Variants in ITGB5 observed in about 807,000 individuals in gnomAD.
ITGB5 encodes the protein integrin subunit beta 5.
ITGB5 carries 38 observed loss-of-function variants against 84.8 expected under a neutral mutation model. The observed-to-expected ratio is 0.45, with a 90% CI of 0.35 to 0.59. The LOEUF (loss-of-function observed/expected upper bound fraction) is 0.59. Ranked by LOEUF, ITGB5 falls within the 20% of genes least tolerant of loss-of-function variation. ITGB5 has a pLI of 0.01. For missense variants in ITGB5, 905 were observed against 1,034.5 expected, an observed-to-expected ratio of 0.87 and a Z score of 1.72; for synonymous variants, 393 against 414.4, an observed-to-expected ratio of 0.95 and a Z score of 0.63.
intron 1 of ITGB5, among the ~76,000 whole-genome samples, chr3:124,880,509 C>G (rs1050282760): frequency 2.0e-5 from 3 of 152,160 alleles, no homozygotes; most frequent in African/African-American, 7.2e-5. Flanking sequence ...CAACAATTTG[C>G]AAGGACCAGG....
At chr3:124,827,831 C>A (rs1050773646) in intron 5 of ITGB5, among the ~76,000 whole-genome samples, 1 of 152,192 alleles carries the variant, frequency 6.6e-6, no homozygotes, top group African/African-American at 2.4e-5. Context: ...TAACTGATGA[C>A]ATTACCTTGT....
chr3:124,873,813 T>C (rs756697826), intron 1 of ITGB5, among the ~76,000 whole-genome samples: 2 of 152,006 alleles, frequency 1.3e-5, no homozygotes, highest in East Asian at 3.9e-4. Flanking sequence ...AATCCTCTCT[T>C]GCTGAGAGAA....
intron 11 of ITGB5, among the ~76,000 whole-genome samples, chr3:124,773,088 T>C (rs1248936179): frequency 1.3e-5 from 2 of 152,050 alleles, no homozygotes; most frequent in African/African-American, 4.8e-5. Flanking sequence ...GTATTTTTAG[T>C]AGAGACGGGT....
intron 10 of ITGB5, among the ~76,000 whole-genome samples, chr3:124,783,517 C>A (rs1255543122): frequency 6.6e-6 from 1 of 152,202 alleles, no homozygotes; most frequent in African/African-American, 2.4e-5. Flanking sequence ...TGGTGTCAGG[C>A]GTGTAGAAGA....
At chr3:124,845,442 C>A (rs1031865175) in intron 4 of ITGB5, among the ~76,000 whole-genome samples, 2 of 152,244 alleles carry the variant, frequency 1.3e-5, no homozygotes, top group Non-Finnish European at 2.9e-5. Context: ...CCCCACGCTG[C>A]GTGTGCCTCC....
intron 8 of ITGB5, among the ~76,000 whole-genome samples, chr3:124,815,516 G>T (rs72972573): frequency 0.019 from 2,883 of 152,310 alleles, 77 homozygotes; most frequent in African/African-American, 0.06. Flanking sequence ...GGAGGCAAGC[G>T]GTGGCCTCCC....
intron 10 of ITGB5, among the ~76,000 whole-genome samples, chr3:124,781,596 T>C (rs1171756161): frequency 6.6e-6 from 1 of 152,082 alleles, no homozygotes; most frequent in Non-Finnish European, 1.5e-5. Context: ...ACTAAATAAA[T>C]CTCCAAGGGC....
chr3:124,830,950 C>A (rs1219029848), intron 5 of ITGB5, among the ~76,000 whole-genome samples: 1 of 152,186 alleles, frequency 6.6e-6, no homozygotes, highest in Non-Finnish European at 1.5e-5. Flanking sequence ...CACCACTGAA[C>A]TCCAGCCTGG....
intron 7 of ITGB5, 64 bp downstream of exon 7, chr3:124,819,675 T>G (rs2064667244): frequency 1.7e-6 from 2 of 1,170,150 alleles, no homozygotes; most frequent in South Asian, 2.4e-5. Flanking sequence ...TAGGCAGAGT[T>G]GTAAACACTC....
At chr3:124,827,607 A>AC (rs1483868725) in intron 5 of ITGB5, among the ~76,000 whole-genome samples, 2 of 152,168 alleles carry the variant, frequency 1.3e-5, no homozygotes, top group Non-Finnish European at 1.5e-5. Flanking sequence ...AGAGACCGGA[A>AC]CCCTCACGCC....
chr3:124,858,714 A>T (rs893239160), intron 3 of ITGB5, among the ~76,000 whole-genome samples: 4 of 152,342 alleles, frequency 2.6e-5, no homozygotes, highest in Non-Finnish European at 5.9e-5. Flanking sequence ...AAAGTAGAGT[A>T]GGCAGCCACT....
rs141062689 is a variant in ITGB5, at chr3:124,840,691, G to A, written c.780+692C>T. On this transcript the variant is annotated intron_variant, in intron 5 of 14. Transcript: ENST00000296181. ...TTTTTTTTTTTAAATTTGAGACAGAGTCTCACACTGTCGCCCAGGCTGGAG... is the reference window on the plus strand; with the variant it reads ...TTTTTTTTTTTAAATTTGAGACAGAATCTCACACTGTCGCCCAGGCTGGAG... Among the ~76,000 whole-genome samples the A allele has an allele frequency of 5.5e-3, 832 of 150,480 alleles. 8 individuals carry two copies. Among genetic ancestry groups the A allele is most frequent in the African/African-American group, 0.02 (802 of 40,874 alleles).
chr3:124,826,860 G>A (rs564814822), intron 5 of ITGB5, among the ~76,000 whole-genome samples: 1 of 152,220 alleles, frequency 6.6e-6, no homozygotes, highest in Admixed American at 6.5e-5. Context: ...CTCTTGTTAT[G>A]TAAATGGTGT....
At chr3:124,839,022 G>A (rs1032361683) in intron 5 of ITGB5, among the ~76,000 whole-genome samples, 2 of 152,182 alleles carry the variant, frequency 1.3e-5, no homozygotes, top group African/African-American at 4.8e-5. Flanking sequence ...AGGATGACAT[G>A]TTTTATAAGT....
At chr3:124,843,454 C>T (rs2065036889) in intron 4 of ITGB5, among the ~76,000 whole-genome samples, 1 of 152,236 alleles carries the variant, frequency 6.6e-6, no homozygotes, top group African/African-American at 2.4e-5. Context: ...AACTCAGCTA[C>T]AGCTCAGCAT....
At chr3:124,865,459 A>G (rs1015949695) in intron 2 of ITGB5, among the ~76,000 whole-genome samples, 4 of 149,480 alleles carry the variant, frequency 2.7e-5, no homozygotes, top group African/African-American at 9.8e-5. Flanking sequence ...TAGAAAGTTG[A>G]AGTGTCCTTT....
chr3:124,873,138 T>C (rs1017813), intron 2 of ITGB5, among the ~76,000 whole-genome samples: 23,886 of 152,216 alleles, frequency 0.16, 1,964 homozygotes, highest in South Asian at 0.21. Context: ...CTCAGGTCTT[T>C]TGGAGTTCTT....
chr3:124,762,835 T>C lies in ITGB5; in HGVS notation c.*788A>G, dbSNP rs765119185. The C allele has an allele frequency of 6.6e-6, 1 of 152,244 alleles. No homozygotes were observed. The allele number at this position is 152,244 out of a possible 1,614,324, so 9.4% of individuals were successfully genotyped here. A position where few individuals can be genotyped will look rare whatever the true frequency, so the allele number is the denominator to read the frequency against. On this transcript the variant is annotated 3_prime_UTR_variant, in exon 15 of 15. Transcript: ENST00000296181. ...CTCATGCTTACTTGACAAGCTGCAG[T>C]CTGGAGTATCAGACCAGCCTGTGTC...
At chr3:124,833,003 A>T (rs2064880845) in intron 5 of ITGB5, 1 of 152,224 alleles carries the variant, frequency 6.6e-6, no homozygotes, top group East Asian at 1.9e-4. Flanking sequence ...GTTGACATTC[A>T]GGCATATTTC....
Sources: gnomAD v4.1 joint callset for allele counts (sites outside exome capture counted in the v4.1 genomes callset) on GRCh38, gnomAD v4.1.1 for gene constraint, MANE v1.5 for transcripts, NCBI Gene and HGNC (gene_info 2026-07-23, HGNC 2026-07-21) for gene names.